Variants in LHFPL2 observed in about 807,000 individuals in gnomAD.
The protein encoded by LHFPL2 is LHFPL tetraspan subfamily member 2, also known as LHFPL tetraspan subfamily member 2 protein.
Under a neutral mutation model 17.5 loss-of-function variants are expected in LHFPL2, and 7 were observed. The ratio of observed to expected loss-of-function variants is 0.40; its 90% CI spans 0.23 to 0.75. The LOEUF (loss-of-function observed/expected upper bound fraction) is 0.75, where lower values mean the gene tolerates loss of function less well. Among genes scored for constraint, LHFPL2 ranks in the 30% least tolerant of loss-of-function variants. The pLI is 0.37. For synonymous variants in LHFPL2, 134 were observed against 116.2 expected (o/e 1.15, Z -0.99); for missense variants, 241 against 294.8 (o/e 0.82, Z 1.34).
At chr5:78,599,994 C>G (rs1743957271) in intron 2 of LHFPL2, among the ~76,000 whole-genome samples, 1 of 152,090 alleles carries the variant, frequency 6.6e-6, no homozygotes, top group African/African-American at 2.4e-5. Context: ...TTTATAGCAA[C>G]TAACCTCTCA....
At chr5:78,644,496 G>A (rs1029434433) in intron 1 of LHFPL2, 4 of 605,148 alleles carry the variant, frequency 6.6e-6, no homozygotes, top group Admixed American at 2.6e-5. Flanking sequence ...ATGGTAGGCC[G>A]GGATGTTCTG....
intron 4 of LHFPL2, among the ~76,000 whole-genome samples, chr5:78,492,455 G>T (rs1051166965): frequency 1.3e-5 from 2 of 152,178 alleles, no homozygotes; most frequent in Non-Finnish European, 2.9e-5. Flanking sequence ...GCTGTCTTGG[G>T]TTCTCTGGGG....
At chr5:78,638,332 T>A (rs1745534223) in intron 1 of LHFPL2, among the ~76,000 whole-genome samples, 1 of 152,088 alleles carries the variant, frequency 6.6e-6, no homozygotes, top group African/African-American at 2.4e-5. Context: ...CCAGCCTGGG[T>A]GACAGAGCGA....
intron 4 of LHFPL2, among the ~76,000 whole-genome samples, chr5:78,496,476 A>T (rs1187528310): frequency 1.3e-5 from 2 of 152,202 alleles, no homozygotes; most frequent in Admixed American, 6.5e-5. Context: ...TTCTGAAAAA[A>T]TAAAAAACAA....
intron 4 of LHFPL2, among the ~76,000 whole-genome samples, chr5:78,502,872 G>A (rs532572317): frequency 6.6e-6 from 1 of 152,266 alleles, no homozygotes; most frequent in South Asian, 2.1e-4. Context: ...CAGCCACTCT[G>A]CATTTTGAGT....
At chr5:78,565,908 G>C (rs1756847583) in intron 2 of LHFPL2, among the ~76,000 whole-genome samples, 1 of 152,148 alleles carries the variant, frequency 6.6e-6, no homozygotes, top group Non-Finnish European at 1.5e-5. Flanking sequence ...TGACTAGCCA[G>C]TTAGCTTTTT....
At chr5:78,522,680 G>T (rs1462622530) in intron 3 of LHFPL2, among the ~76,000 whole-genome samples, 1 of 152,262 alleles carries the variant, frequency 6.6e-6, no homozygotes, top group South Asian at 2.1e-4. Flanking sequence ...GGAGAGGGAA[G>T]GCAGGGAAGG....
At chr5:78,560,184 G>A (rs1330603403) in intron 3 of LHFPL2, among the ~76,000 whole-genome samples, 1 of 152,190 alleles carries the variant, frequency 6.6e-6, no homozygotes, top group Non-Finnish European at 1.5e-5. Flanking sequence ...ACCCAGACAA[G>A]TATGATTCTG....
At chr5:78,588,301 A>G (rs890845411) in intron 2 of LHFPL2, among the ~76,000 whole-genome samples, 1 of 152,188 alleles carries the variant, frequency 6.6e-6, no homozygotes, top group African/African-American at 2.4e-5. Flanking sequence ...CTCCCGAGTG[A>G]TTACGAATAC....
chr5:78,590,201 G>GAACAAC (rs3068896), intron 2 of LHFPL2: 20 of 150,588 alleles, frequency 1.3e-4, no homozygotes, highest in Admixed American at 4.6e-4. Context: ...ACCTAGCCAG[G>GAACAAC]AACAACAACA....
chr5:78,557,623 A>G (rs1341403350), intron 3 of LHFPL2, among the ~76,000 whole-genome samples: 1 of 152,232 alleles, frequency 6.6e-6, no homozygotes, highest in Non-Finnish European at 1.5e-5. Context: ...AAGAGATGTA[A>G]ATTAACAACA....
At chr5:78,611,445 A>C (rs1744420269) in intron 2 of LHFPL2, among the ~76,000 whole-genome samples, 1 of 152,176 alleles carries the variant, frequency 6.6e-6, no homozygotes, top group Non-Finnish European at 1.5e-5. Context: ...TCAGTAATTC[A>C]CATTCCAGAG....
At chr5:78,616,898 G>A (rs1242988856) in intron 2 of LHFPL2, among the ~76,000 whole-genome samples, 3 of 152,180 alleles carry the variant, frequency 2.0e-5, no homozygotes, top group Non-Finnish European at 4.4e-5. Flanking sequence ...CCCTGCATAT[G>A]GTTTGTTAAT....
rs529615468 is a variant in LHFPL2, at chr5:78,551,678, C to T, written c.-186+13135G>A. On this transcript the variant is annotated intron_variant, in intron 3 of 4. Transcript: ENST00000380345. ...TCCTCCTATGTCTCAGTCCCAGTCT[C>T]CTGAGGCAGGCCACAAAAACTAGAA... Among the ~76,000 whole-genome samples the T allele has an allele frequency of 2.6e-5, 4 of 152,346 alleles. No individual in the cohort carries two copies. In the South Asian group the frequency reaches 8.3e-4, roughly 32 times the overall value.
chr5:78,637,232 T>C (rs760998847), intron 1 of LHFPL2, among the ~76,000 whole-genome samples: 2 of 152,138 alleles, frequency 1.3e-5, no homozygotes, highest in Non-Finnish European at 2.9e-5. Context: ...AATGAAACAA[T>C]AGGCAACCTT....
chr5:78,490,523 T>A (rs1211319592), intron 4 of LHFPL2, among the ~76,000 whole-genome samples: 1 of 151,982 alleles, frequency 6.6e-6, no homozygotes, highest in Non-Finnish European at 1.5e-5. Context: ...GAGGCTGAGG[T>A]GGGTGGATCA....
chr5:78,583,841 T>C (rs1308863337), intron 2 of LHFPL2, among the ~76,000 whole-genome samples: 3 of 149,612 alleles, frequency 2.0e-5, no homozygotes, highest in East Asian at 1.9e-4. Flanking sequence ...CCTTGCTAGA[T>C]TGGGGAAGTT....
At chr5:78,520,463 C>T (rs1755419482) in intron 3 of LHFPL2, among the ~76,000 whole-genome samples, 1 of 152,248 alleles carries the variant, frequency 6.6e-6, no homozygotes, top group Admixed American at 6.5e-5. Flanking sequence ...TCACTTCAAG[C>T]ATATGACCAC....
chr5:78,538,363 T>C (rs1190758728), intron 3 of LHFPL2, among the ~76,000 whole-genome samples: 1 of 152,296 alleles, frequency 6.6e-6, no homozygotes, highest in East Asian at 1.9e-4. Context: ...TAGCAAACAT[T>C]CAAAGATTGG....
Sources: allele counts gnomAD v4.1 joint callset (sites outside exome capture counted in the v4.1 genomes callset), GRCh38; gene constraint gnomAD v4.1.1; transcripts MANE v1.5; gene names NCBI Gene and HGNC (gene_info 2026-07-23, HGNC 2026-07-21).